MECOM: variants seen among roughly 807,000 people sequenced by gnomAD.
The protein encoded by MECOM is histone-lysine N-methyltransferase MECOM.
A neutral mutation model predicts 116.3 loss-of-function variants in MECOM; 13 were observed. That is an observed-to-expected ratio of 0.11 (90% CI 0.07 to 0.18). The LOEUF is 0.18. Among genes scored for constraint, MECOM ranks in the 10% least tolerant of loss-of-function variants. The probability of loss-of-function intolerance (pLI) is 1.00; values close to 1 mark genes in which losing one functional copy is unlikely to be tolerated. For missense variants in MECOM, 1,299 were observed against 1,509.0 expected (o/e 0.86, Z 2.31); for synonymous variants, 528 against 535.2 (o/e 0.99, Z 0.19).
chr3:169,129,940 T>C (rs1734113308), intron 4 of MECOM, among the ~76,000 whole-genome samples: 1 of 152,166 alleles, frequency 6.6e-6, no homozygotes, highest in African/African-American at 2.4e-5. Flanking sequence ...ATCTATCATA[T>C]AGTAGGTGTG....
intron 2 of MECOM, among the ~76,000 whole-genome samples, chr3:169,191,740 G>GAGAAAGAAAGAA (rs71166250): frequency 0.024 from 1,544 of 64,164 alleles, 24 homozygotes; most frequent in Middle Eastern, 0.09. Flanking sequence ...AAGAAAGAAA[G>GAGAAAGAAAGAA]AGAAAGAAAG....
chr3:169,401,160 T>C (rs576581879), intron 1 of MECOM, among the ~76,000 whole-genome samples: 10 of 152,252 alleles, frequency 6.6e-5, no homozygotes, highest in African/African-American at 2.4e-4. Context: ...CGTTGATGTC[T>C]CCACTCTGCC....
intron 5 of MECOM, among the ~76,000 whole-genome samples, chr3:169,127,134 G>C (rs960148183): frequency 2.0e-5 from 3 of 152,070 alleles, no homozygotes; most frequent in Non-Finnish European, 4.4e-5. Flanking sequence ...CCATTCTGTA[G>C]TACAATTAGT....
At chr3:169,295,622 C>G (rs1157015842) in intron 2 of MECOM, among the ~76,000 whole-genome samples, 1 of 152,168 alleles carries the variant, frequency 6.6e-6, no homozygotes, top group Admixed American at 6.5e-5. Flanking sequence ...GTAGCATTCT[C>G]TCAAATTCTT....
intron 1 of MECOM, among the ~76,000 whole-genome samples, chr3:169,389,812 T>C (rs1338223034): frequency 2.0e-5 from 3 of 152,208 alleles, no homozygotes; most frequent in Non-Finnish European, 2.9e-5. Flanking sequence ...CTTATCTAAA[T>C]TACTGTTTAA....
At chr3:169,100,577 C>A (rs1431511318) in intron 12 of MECOM, among the ~76,000 whole-genome samples, 1 of 151,982 alleles carries the variant, frequency 6.6e-6, no homozygotes, top group African/African-American at 2.4e-5. Context: ...GAAAAGAGAA[C>A]AAATGATAAT....
At chr3:169,627,454 C>A (rs141933605) in intron 1 of MECOM, among the ~76,000 whole-genome samples, 46 of 152,274 alleles carry the variant, frequency 3.0e-4, no homozygotes, top group African/African-American at 1.0e-3. Flanking sequence ...TGGCATCAGC[C>A]AAGCAAAGGA....
intron 2 of MECOM, among the ~76,000 whole-genome samples, chr3:169,158,477 A>G (rs190111561): frequency 4.9e-4 from 74 of 152,290 alleles, no homozygotes; most frequent in Non-Finnish European, 7.5e-4. Context: ...AGACGGAAAC[A>G]CGAATCATCT....
At chr3:169,592,075 C>G (rs1160573439) in intron 1 of MECOM, among the ~76,000 whole-genome samples, 2 of 152,100 alleles carry the variant, frequency 1.3e-5, no homozygotes, top group Non-Finnish European at 2.9e-5. Flanking sequence ...TTGTTCTACC[C>G]CCGACCAGCA....
intron 2 of MECOM, among the ~76,000 whole-genome samples, chr3:169,274,877 T>A (rs1297757927): frequency 6.6e-6 from 1 of 152,154 alleles, no homozygotes; most frequent in Non-Finnish European, 1.5e-5. Flanking sequence ...TAATAGACTT[T>A]GAAGTAATCA....
chr3:169,289,191 G>GT (rs1163629595), intron 2 of MECOM, among the ~76,000 whole-genome samples: 1 of 152,148 alleles, frequency 6.6e-6, no homozygotes, highest in Non-Finnish European at 1.5e-5. Flanking sequence ...AAAACAACAG[G>GT]TTTTTTGTTT....
At chr3:169,605,758 T>C (rs1297548671) in intron 1 of MECOM, among the ~76,000 whole-genome samples, 1 of 152,206 alleles carries the variant, frequency 6.6e-6, no homozygotes, top group Non-Finnish European at 1.5e-5. Flanking sequence ...TATGTGTCTT[T>C]TCCCAGAGAT....
chr3:169,254,762 C>G (rs1428670464), intron 2 of MECOM, among the ~76,000 whole-genome samples: 1 of 151,894 alleles, frequency 6.6e-6, no homozygotes, highest in Non-Finnish European at 1.5e-5. Context: ...GAGAAAAAAT[C>G]TGGAAAACAT....
At chr3:169,551,292 T>C (rs1560422491) in intron 1 of MECOM, among the ~76,000 whole-genome samples, 2 of 151,878 alleles carry the variant, frequency 1.3e-5, no homozygotes, top group Non-Finnish European at 2.9e-5. Flanking sequence ...AGTACCCCAT[T>C]AAGAGTCTTT....
At position 169,175,863 on chromosome 3, in the gene MECOM, G is replaced by A. The variant is rs1398681175; in HGVS notation, c.376-32031C>T. ...ACCCTCATGCAAACATCTCGACATGGCTTTAAACCACAGGAGCTAAATATC... is the reference window on the plus strand; with the variant it reads ...ACCCTCATGCAAACATCTCGACATGACTTTAAACCACAGGAGCTAAATATC... On this transcript the variant is annotated intron_variant, in intron 2 of 16. Coordinates refer to ENST00000651503, the MANE Select transcript of MECOM (RefSeq NM_004991.4). 1.3e-5 allele frequency among the ~76,000 whole-genome samples: 2 copies of A among 152,048 alleles called. 1 individual carries two copies. The highest frequency in any genetic ancestry group is 4.8e-5 in the African/African-American group (2 of 41,400).
intron 2 of MECOM, among the ~76,000 whole-genome samples, chr3:169,265,464 TAG>T (rs1577518016): frequency 6.6e-6 from 1 of 152,250 alleles, no homozygotes; most frequent in East Asian, 1.9e-4. Flanking sequence ...CTCTAATTTG[TAG>T]TTCTAAATAT....
chr3:169,579,180 T>C (rs1377647441), intron 1 of MECOM, among the ~76,000 whole-genome samples: 8 of 152,082 alleles, frequency 5.3e-5, no homozygotes, highest in African/African-American at 1.9e-4. Context: ...TGCACAGTCT[T>C]CCCCCTTCTT....
At chr3:169,359,679 G>A (rs990347489) in intron 2 of MECOM, among the ~76,000 whole-genome samples, 1 of 151,680 alleles carries the variant, frequency 6.6e-6, no homozygotes, top group African/African-American at 2.4e-5. Context: ...GAATCTCCAT[G>A]CTTTGGAAGA....
At chr3:169,093,782 A>G (rs1012587329) in intron 13 of MECOM, among the ~76,000 whole-genome samples, 1 of 152,166 alleles carries the variant, frequency 6.6e-6, no homozygotes, top group Non-Finnish European at 1.5e-5. Flanking sequence ...ACACTTAAGC[A>G]CTTTATATGT....
Sources: allele counts gnomAD v4.1 joint callset (sites outside exome capture counted in the v4.1 genomes callset), GRCh38; gene constraint gnomAD v4.1.1; transcripts MANE v1.5; gene names NCBI Gene and HGNC (gene_info 2026-07-23, HGNC 2026-07-21).